SUPT3H: variants seen among roughly 807,000 people sequenced by gnomAD.
The protein encoded by SUPT3H is transcription initiation protein SPT3 homolog.
A neutral mutation model predicts 44.3 loss-of-function variants in SUPT3H; 44 were observed. The ratio of observed to expected loss-of-function variants is 0.99; its 90% CI spans 0.78 to 1.28. The LOEUF is 1.28. Among genes scored for constraint, SUPT3H ranks in the 50% most tolerant of loss-of-function variants. SUPT3H has a pLI of 0.00. For missense variants in SUPT3H, 380 were observed against 387.1 expected, an observed-to-expected ratio of 0.98 and a Z score of 0.15; for synonymous variants, 124 against 125.6, an observed-to-expected ratio of 0.99 and a Z score of 0.09.
At chr6:45,076,837 G>A (rs1795065373) in intron 3 of SUPT3H, among the ~76,000 whole-genome samples, 1 of 152,056 alleles carries the variant, frequency 6.6e-6, no homozygotes, top group African/African-American at 2.4e-5. Context: ...CCTAGAAATG[G>A]CCTCCTTGCC....
At chr6:45,324,292 A>G (rs1786003083) in intron 2 of SUPT3H, among the ~76,000 whole-genome samples, 1 of 152,074 alleles carries the variant, frequency 6.6e-6, no homozygotes, top group Admixed American at 6.6e-5. Context: ...ACAATGTATT[A>G]AAGTAAATTA....
intron 2 of SUPT3H, among the ~76,000 whole-genome samples, chr6:45,268,215 C>T (rs4443508): frequency 0.23 from 34,560 of 151,866 alleles, 4,615 homozygotes; most frequent in Non-Finnish European, 0.31. Flanking sequence ...ACTCAGAGAC[C>T]CAAATAATTT....
At chr6:45,149,670 C>T (rs1806605824) in intron 2 of SUPT3H, among the ~76,000 whole-genome samples, 1 of 151,964 alleles carries the variant, frequency 6.6e-6, no homozygotes, top group African/African-American at 2.4e-5. Context: ...TAGTATAAAC[C>T]AGGAATCAAA....
At chr6:45,315,230 G>A (rs1466794982) in intron 2 of SUPT3H, among the ~76,000 whole-genome samples, 1 of 151,710 alleles carries the variant, frequency 6.6e-6, no homozygotes, top group Non-Finnish European at 1.5e-5. Flanking sequence ...CCTTAAACAA[G>A]GATTCCATGA....
chr6:45,037,114 TAAAAC>T (rs1787784132), intron 3 of SUPT3H, among the ~76,000 whole-genome samples: 1 of 151,686 alleles, frequency 6.6e-6, no homozygotes, highest in African/African-American at 2.4e-5. Context: ...GTGAGGAAAA[TAAAAC>T]AAAATTATAA....
At chr6:45,235,188 A>G (rs1768859022) in intron 2 of SUPT3H, among the ~76,000 whole-genome samples, 1 of 152,234 alleles carries the variant, frequency 6.6e-6, no homozygotes, top group African/African-American at 2.4e-5. Context: ...TATGTTTCCA[A>G]TGAATTTTTC....
At position 44,827,850 on chromosome 6, in the gene SUPT3H, ATATGAACT is replaced by A. The variant is rs1267286494; in HGVS notation, c.*1958_*1965del. On this transcript the variant is annotated 3_prime_UTR_variant, in exon 11 of 11. Transcript: ENST00000371459. ...CTTATGATGAAAAATGAAAGGTTTTATATGAACTTACTGGGCAAAACCAGATTTTATAA... is the reference window on the plus strand; with the variant it reads ...CTTATGATGAAAAATGAAAGGTTTTATACTGGGCAAAACCAGATTTTATAA... 1.3e-5 allele frequency among the ~76,000 whole-genome samples: 2 copies of A among 151,594 alleles called. No individual in the cohort carries two copies. Among genetic ancestry groups the A allele is most frequent in the African/African-American group, 4.8e-5 (2 of 41,258 alleles).
intron 10 of SUPT3H, among the ~76,000 whole-genome samples, chr6:44,868,228 G>A (rs182704686): frequency 1.8e-3 from 274 of 152,234 alleles, no homozygotes; most frequent in African/African-American, 6.4e-3. Context: ...CACAGGAGCT[G>A]GTTTCCCTTC....
chr6:45,215,015 C>T (rs534419289), intron 2 of SUPT3H, among the ~76,000 whole-genome samples: 2 of 152,108 alleles, frequency 1.3e-5, no homozygotes, highest in Non-Finnish European at 2.9e-5. Flanking sequence ...AGGAAAGCTG[C>T]ACGACAGCAA....
intron 10 of SUPT3H, among the ~76,000 whole-genome samples, chr6:44,918,946 A>T (rs943270650): frequency 4.6e-5 from 7 of 152,210 alleles, no homozygotes; most frequent in Admixed American, 3.9e-4. Context: ...CCTGAAATTG[A>T]GCCTGAGCTT....
chr6:45,223,028 G>C (rs1766319344), intron 2 of SUPT3H, among the ~76,000 whole-genome samples: 1 of 152,074 alleles, frequency 6.6e-6, no homozygotes, highest in African/African-American at 2.4e-5. Context: ...TTTGCCATGG[G>C]ATAGGGAAAG....
At chr6:44,973,511 G>A (rs1458754675) in intron 6 of SUPT3H, among the ~76,000 whole-genome samples, 2 of 152,168 alleles carry the variant, frequency 1.3e-5, no homozygotes, top group African/African-American at 4.8e-5. Context: ...TCTCTAGGAA[G>A]TTTCAGACTT....
intron 2 of SUPT3H, among the ~76,000 whole-genome samples, chr6:45,286,140 A>G (rs578248186): frequency 6.6e-6 from 1 of 151,854 alleles, no homozygotes; most frequent in Non-Finnish European, 1.5e-5. Context: ...AACCATAAAA[A>G]CCCTAGAAGA....
chr6:45,020,782 G>T, intron 3 of SUPT3H, 150 bp from the exon 4 acceptor site: 1 of 500,538 alleles, frequency 2.0e-6, no homozygotes, highest in Non-Finnish European at 3.5e-6. Context: ...AGAGTAAAAT[G>T]TCTTATGTTT....
rs139419941 is a variant in SUPT3H, at chr6:45,021,269, TC to T, written c.187-638del. On this transcript the variant is annotated intron_variant, in intron 3 of 10. Coordinates refer to ENST00000371459, the MANE Select transcript of SUPT3H (RefSeq NM_003599.4). ...AACATTACTGCACTAAAAGTTAGAT[TC>T]CCCCTGAAATGTTCATCTAGCCCCT... 2.6e-3 allele frequency among the ~76,000 whole-genome samples: 390 copies of T among 151,916 alleles called. 3 individuals carry two copies. The highest frequency in any genetic ancestry group is 8.6e-3 in the African/African-American group (356 of 41,504).
intron 2 of SUPT3H, among the ~76,000 whole-genome samples, chr6:45,284,785 C>A (rs1461027696): frequency 4.6e-5 from 7 of 152,054 alleles, no homozygotes; most frequent in South Asian, 2.1e-4. Flanking sequence ...AGCAGAGACA[C>A]AACAAAAAAA....
intron 10 of SUPT3H, among the ~76,000 whole-genome samples, chr6:44,920,773 C>T (rs1174731724): frequency 1.3e-5 from 2 of 151,864 alleles, no homozygotes; most frequent in Non-Finnish European, 1.5e-5. Context: ...ATCTTTGATG[C>T]TTCATCTCAT....
intron 2 of SUPT3H, among the ~76,000 whole-genome samples, chr6:45,172,826 G>C (rs1209312817): frequency 1.3e-5 from 2 of 151,648 alleles, no homozygotes; most frequent in Admixed American, 1.3e-4. Flanking sequence ...TCCTGACCTC[G>C]TGATCCGCCC....
chr6:45,083,888 C>CT (rs1180400021), intron 3 of SUPT3H, among the ~76,000 whole-genome samples: 1 of 152,134 alleles, frequency 6.6e-6, no homozygotes, highest in African/African-American at 2.4e-5. Context: ...AACTGGCTAA[C>CT]TATAGACCTT....
Sources: allele counts gnomAD v4.1 joint callset (sites outside exome capture counted in the v4.1 genomes callset), GRCh38; gene constraint gnomAD v4.1.1; transcripts MANE v1.5; gene names NCBI Gene and HGNC (gene_info 2026-07-23, HGNC 2026-07-21).